APBB2: variants seen among roughly 807,000 people sequenced by gnomAD.
The protein encoded by APBB2 is Fe65-like 1.
APBB2 carries 38 observed loss-of-function variants against 82.5 expected under a neutral mutation model. That is an observed-to-expected ratio of 0.46 (90% confidence interval 0.36 to 0.60). APBB2 has a LOEUF of 0.60. Ranked by LOEUF, APBB2 falls within the 20% of genes least tolerant of loss-of-function variation. The pLI is 0.00. For synonymous variants in APBB2, 341 were observed against 368.2 expected (o/e 0.93, Z 0.85); for missense variants, 772 against 972.3 (o/e 0.79, Z 2.74).
chr4:41,062,136 T>C (rs1337245696), intron 4 of APBB2, among the ~76,000 whole-genome samples: 1 of 151,352 alleles, frequency 6.6e-6, no homozygotes, highest in East Asian at 2.0e-4. Flanking sequence ...GAACGTCAGC[T>C]TGAGGTTTCA....
Position 41,127,516 on chromosome 4 carries a change from G to A in APBB2, c.-261+15471C>T, listed in dbSNP as rs1192472984. 6.6e-6 allele frequency among the ~76,000 whole-genome samples: 1 copy of A among 152,170 alleles called. No individual in the cohort carries two copies. Among genetic ancestry groups the A allele is most frequent in the East Asian group, 1.9e-4 (1 of 5,198 alleles). On this transcript the variant is annotated intron_variant, in intron 2 of 17. Transcript: ENST00000508593. The surrounding 1 kb of genome is among the most constrained non-coding windows in gnomAD (Gnocchi z 4.8). ...CTACCTGCTTCCAACATCAAACTGG[G>A]TTCAGCAAATGATAACACTATCGGA...
chr4:40,899,014 T>A (rs35992486), intron 10 of APBB2, among the ~76,000 whole-genome samples: 36,093 of 152,048 alleles, frequency 0.24, 5,320 homozygotes, highest in East Asian at 0.56. Flanking sequence ...ACCACTGCTA[T>A]AGACAGATGG....
At chr4:41,171,670 TA>T (rs1220991315) in intron 1 of APBB2, among the ~76,000 whole-genome samples, 3 of 152,184 alleles carry the variant, frequency 2.0e-5, no homozygotes, top group African/African-American at 7.2e-5. Flanking sequence ...TAAAACCCTT[TA>T]ATAGGGCTGG....
chr4:40,887,016 GCT>G, intron 12 of APBB2, among the ~76,000 whole-genome samples: 1 of 152,166 alleles, frequency 6.6e-6, no homozygotes, highest in Non-Finnish European at 1.5e-5. Context: ...GACAGACATG[GCT>G]CTCAACAAGA....
intron 2 of APBB2, among the ~76,000 whole-genome samples, chr4:41,106,499 T>TG (rs1334918219): frequency 6.6e-6 from 1 of 152,014 alleles, no homozygotes; most frequent in Non-Finnish European, 1.5e-5. Context: ...TTGTTTGAGA[T>TG]GGAGTCTTGC....
At chr4:40,855,763 A>T (rs1365473056) in intron 12 of APBB2, among the ~76,000 whole-genome samples, 1 of 152,106 alleles carries the variant, frequency 6.6e-6, no homozygotes, top group East Asian at 1.9e-4. Flanking sequence ...AAAGGAAGCA[A>T]AACGGAAAGT....
chr4:40,954,139 C>T (rs1790956931), intron 6 of APBB2, among the ~76,000 whole-genome samples: 2 of 152,320 alleles, frequency 1.3e-5, no homozygotes, highest in South Asian at 4.1e-4. Context: ...TAACCCTCTT[C>T]CCCCTAGGCT....
chr4:40,964,442 AT>A (rs1257799116), intron 6 of APBB2, among the ~76,000 whole-genome samples: 1 of 150,066 alleles, frequency 6.7e-6, no homozygotes. Flanking sequence ...ATCAATAAAA[AT>A]AAGATAAACA....
At chr4:41,041,041 C>T (rs561973054) in intron 4 of APBB2, among the ~76,000 whole-genome samples, 6 of 152,198 alleles carry the variant, frequency 3.9e-5, no homozygotes, top group Admixed American at 6.5e-5. Context: ...CCACCACACC[C>T]GGCTGATTTT....
chr4:40,946,232 CAAAAAAAA>C (rs55995119), intron 6 of APBB2, among the ~76,000 whole-genome samples: 1 of 78,724 alleles, frequency 1.3e-5, no homozygotes, highest in Non-Finnish European at 2.4e-5. Flanking sequence ...ACTCTATCTC[CAAAAAAAA>C]AAAAAAAAAA....
Position 40,851,597 on chromosome 4 carries a change from T to G in APBB2, c.1530-21020A>C, listed in dbSNP as rs139960755. ...AATTATTCCAACTGCTATAATTTATTCATCCCCAGACAAGCTTCCATGTTA... is the reference window on the plus strand; with the variant it reads ...AATTATTCCAACTGCTATAATTTATGCATCCCCAGACAAGCTTCCATGTTA... On this transcript the variant is annotated intron_variant, in intron 12 of 17. Coordinates refer to ENST00000508593, the MANE Select transcript of APBB2 (RefSeq NM_004307.2). 5.1e-4 allele frequency among the ~76,000 whole-genome samples: 77 copies of G among 152,186 alleles called. No homozygotes were observed. In the East Asian group the frequency reaches 5.2e-3, roughly 10 times the overall value.
chr4:41,021,109 G>A (rs1032724322), intron 5 of APBB2, among the ~76,000 whole-genome samples: 4 of 152,042 alleles, frequency 2.6e-5, no homozygotes, highest in Non-Finnish European at 5.9e-5. Flanking sequence ...GTTTCCTCTG[G>A]GATTGAGGCC....
chr4:41,115,470 A>G (rs1750672527), intron 2 of APBB2, among the ~76,000 whole-genome samples: 1 of 152,242 alleles, frequency 6.6e-6, no homozygotes, highest in South Asian at 2.1e-4. Context: ...AAATTGACAA[A>G]TGGGATCTAA....
intron 2 of APBB2, among the ~76,000 whole-genome samples, chr4:41,131,204 C>G (rs1256834120): frequency 6.6e-6 from 1 of 152,180 alleles, no homozygotes; most frequent in Non-Finnish European, 1.5e-5. Context: ...AGAAGCTGAG[C>G]AGTAGCTGTG....
At chr4:40,885,845 C>G (rs1770064503) in intron 12 of APBB2, among the ~76,000 whole-genome samples, 1 of 152,160 alleles carries the variant, frequency 6.6e-6, no homozygotes, top group Non-Finnish European at 1.5e-5. Context: ...CGCTTTCTTG[C>G]AGAGTCCTAG....
intron 2 of APBB2, among the ~76,000 whole-genome samples, chr4:41,137,796 A>C (rs1757991282): frequency 6.6e-6 from 1 of 152,190 alleles, no homozygotes; most frequent in African/African-American, 2.4e-5. Flanking sequence ...TATGCAAAAA[A>C]TAAAAATAAA....
intron 12 of APBB2, among the ~76,000 whole-genome samples, chr4:40,882,059 A>G (rs1249896384): frequency 6.6e-6 from 1 of 151,428 alleles, no homozygotes; most frequent in Non-Finnish European, 1.5e-5. Flanking sequence ...TCCTTCAGTC[A>G]GCGCTAATTC....
At chr4:40,846,975 A>T (rs1335327155) in intron 12 of APBB2, among the ~76,000 whole-genome samples, 1 of 152,174 alleles carries the variant, frequency 6.6e-6, no homozygotes, top group Non-Finnish European at 1.5e-5. Flanking sequence ...AAAATCTTGC[A>T]TCTCTGAATA....
intron 1 of APBB2, among the ~76,000 whole-genome samples, chr4:41,195,058 G>C: frequency 6.6e-6 from 1 of 151,950 alleles, no homozygotes; most frequent in South Asian, 2.1e-4. Context: ...CCCTTTGCTA[G>C]CTCTTCCTCA....
Sources: gnomAD v4.1 joint callset for allele counts (sites outside exome capture counted in the v4.1 genomes callset) on GRCh38, gnomAD v4.1.1 for gene constraint, Gnocchi (gnomAD v3.1) non-coding constraint, MANE v1.5 for transcripts, NCBI Gene and HGNC (gene_info 2026-07-23, HGNC 2026-07-21) for gene names.